Variants in RSU1 observed in about 807,000 individuals in gnomAD.
The protein encoded by RSU1 is rsu-1.
In RSU1, 26 loss-of-function variants were observed where a neutral mutation model predicts 31.1. The ratio of observed to expected loss-of-function variants is 0.84; its 90% CI spans 0.61 to 1.16. RSU1 has a LOEUF of 1.16. Ranked by LOEUF, RSU1 falls within the 50% of genes most tolerant of loss-of-function variation. The pLI, the probability that RSU1 is intolerant of heterozygous loss-of-function variation, is 0.00. For missense variants in RSU1, 320 were observed against 339.1 expected, an observed-to-expected ratio of 0.94 and a Z score of 0.44; for synonymous variants, 164 against 136.3, an observed-to-expected ratio of 1.20 and a Z score of -1.41.
At chr10:16,789,127 C>T (rs1013983995) in intron 2 of RSU1, among the ~76,000 whole-genome samples, 3 of 152,228 alleles carry the variant, frequency 2.0e-5, no homozygotes, top group African/African-American at 7.2e-5. Flanking sequence ...TGAGGGAAAA[C>T]TGGTTCTTTT....
At chr10:16,678,639 C>G (rs1001589142) in intron 8 of RSU1, among the ~76,000 whole-genome samples, 1 of 152,128 alleles carries the variant, frequency 6.6e-6, no homozygotes, top group Non-Finnish European at 1.5e-5. Context: ...AAACTTCCTA[C>G]TGGGGAGTAT....
In RSU1 at chr10:16,692,686, C is replaced by T. The variant is rs78897827; in HGVS notation, c.731+2337G>A. Among the ~76,000 whole-genome samples the T allele has an allele frequency of 4.1e-4, 63 of 152,280 alleles. 1 individual carries two copies. The East Asian group carries it at 8.9e-3, about 21-fold the overall frequency. On this transcript the variant is annotated intron_variant, in intron 8 of 8. Transcript: ENST00000345264. ...GCTAATTTGTGACTATATTTTCACA[C>T]ATTTTCATAATTAACTAATTTCTAA...
chr10:16,705,937 C>A (rs1835890937), intron 7 of RSU1, among the ~76,000 whole-genome samples: 1 of 152,176 alleles, frequency 6.6e-6, no homozygotes, highest in African/African-American at 2.4e-5. Flanking sequence ...CCACCACACC[C>A]AGCCCAAATG....
rs573931975 is a variant in RSU1, at chr10:16,745,620, G to A, written c.598+6919C>T. Among the ~76,000 whole-genome samples, 529 of 149,138 alleles carry A rather than the reference G, an allele frequency of 3.5e-3. 2 individuals carry two copies. Among genetic ancestry groups the A allele is most frequent in the Non-Finnish European group, 4.6e-3 (308 of 66,588 alleles). On this transcript the variant is annotated intron_variant, in intron 7 of 8. Coordinates refer to ENST00000345264, the MANE Select transcript of RSU1 (RefSeq NM_012425.4). The stretch of plus-strand genomic sequence containing the variant: ...GAGACCCATTCAGTATCACAAGAAC[G>A]GCACAGGAAAGACCCGCCCCCATGA...
chr10:16,805,540 G>C (rs1396074202), intron 2 of RSU1, among the ~76,000 whole-genome samples: 1 of 151,056 alleles, frequency 6.6e-6, no homozygotes, highest in Non-Finnish European at 1.5e-5. Flanking sequence ...GCCAGGCGTT[G>C]TGGCGGGCGC....
chr10:16,766,370 G>A (rs1423770610), intron 3 of RSU1, among the ~76,000 whole-genome samples: 2 of 152,202 alleles, frequency 1.3e-5, no homozygotes, highest in Admixed American at 1.3e-4. Flanking sequence ...CACAGTCCAT[G>A]GAACACTTCT....
At chr10:16,745,609 A>G (rs1836836230) in intron 7 of RSU1, among the ~76,000 whole-genome samples, 1 of 150,342 alleles carries the variant, frequency 6.7e-6, no homozygotes, top group Non-Finnish European at 1.5e-5. Flanking sequence ...CCCATTCAGT[A>G]TCACAAGAAC....
intron 8 of RSU1, among the ~76,000 whole-genome samples, chr10:16,693,941 G>A (rs963238414): frequency 1.3e-5 from 2 of 152,000 alleles, no homozygotes; most frequent in African/African-American, 4.8e-5. Context: ...ATTTGAGTAG[G>A]GATGTTTTTG....
At chr10:16,683,346 C>T (rs1189059888) in intron 8 of RSU1, among the ~76,000 whole-genome samples, 1 of 152,070 alleles carries the variant, frequency 6.6e-6, no homozygotes, top group Admixed American at 6.5e-5. Context: ...ATTTGAGTAA[C>T]AATAAATATT....
intron 3 of RSU1, among the ~76,000 whole-genome samples, chr10:16,768,729 C>G (rs187112480): frequency 6.6e-6 from 1 of 152,342 alleles, no homozygotes; most frequent in Non-Finnish European, 1.5e-5. Context: ...AACTGAAGAA[C>G]TGAATGTGAT....
In RSU1 at chr10:16,634,017, ATC is replaced by A. The variant is rs1330468510; in HGVS notation, c.732-40523_732-40522del. ...GTGCACGATCTCACACTGACGTTCA[ATC>A]TGTCTTTTCCAGCATCCTCTATTTA... On this transcript the variant is annotated intron_variant, in intron 8 of 8. Coordinates refer to ENST00000345264, the MANE Select transcript of RSU1 (RefSeq NM_012425.4). 2.0e-5 allele frequency among the ~76,000 whole-genome samples: 3 copies of A among 152,212 alleles called. No homozygotes were observed. In the East Asian group the frequency reaches 5.8e-4, roughly 29 times the overall value.
At chr10:16,788,757 G>T (rs1216714852) in intron 2 of RSU1, among the ~76,000 whole-genome samples, 1 of 152,170 alleles carries the variant, frequency 6.6e-6, no homozygotes, top group South Asian at 2.1e-4. Flanking sequence ...TCCTCCTTCA[G>T]GACACTTCCA....
chr10:16,712,628 T>G (rs1211142335), intron 7 of RSU1, among the ~76,000 whole-genome samples: 1 of 152,160 alleles, frequency 6.6e-6, no homozygotes, highest in Non-Finnish European at 1.5e-5. Flanking sequence ...ACAATTAATA[T>G]TTTTGTTGCC....
intron 8 of RSU1, among the ~76,000 whole-genome samples, chr10:16,621,601 G>A (rs368813649): frequency 6.6e-6 from 1 of 152,294 alleles, no homozygotes; most frequent in Admixed American, 6.5e-5. Flanking sequence ...ACATGATTGG[G>A]GAAGCCTCAC....
chr10:16,816,898 C>A, intron 2 of RSU1, 75 bp downstream of exon 2: 1 of 1,034,066 alleles, frequency 9.7e-7, no homozygotes, highest in East Asian at 2.4e-5. Flanking sequence ...TCGCTCACAG[C>A]AGGACCAGCA....
chr10:16,706,372 T>G (rs565086883), intron 7 of RSU1, among the ~76,000 whole-genome samples: 1 of 152,336 alleles, frequency 6.6e-6, no homozygotes, highest in Non-Finnish European at 1.5e-5. Flanking sequence ...CATTTTTTCA[T>G]GTGCTTATTG....
At chr10:16,605,701 G>C (rs767775466) in intron 8 of RSU1, among the ~76,000 whole-genome samples, 1 of 152,178 alleles carries the variant, frequency 6.6e-6, no homozygotes, top group Non-Finnish European at 1.5e-5. Context: ...TGTGCAGACC[G>C]AGGCAAGTGT....
rs571362342 is a variant in RSU1 at position 16,798,667 on chromosome 10, C to G, written c.110-16583G>C. ...CATAAATTACCCATCTTGAGCCGTT[C>G]TTTGTAGCAGTATGAAAACAGACTA... On this transcript the variant is annotated intron_variant, in intron 2 of 8. Transcript: ENST00000345264. Among the ~76,000 whole-genome samples, 5 of 152,274 alleles carry G rather than the reference C, an allele frequency of 3.3e-5. No individual in the cohort carries two copies. The South Asian group carries it at 1.0e-3, about 32-fold the overall frequency.
chr10:16,671,621 G>GT (rs879801350), intron 8 of RSU1, among the ~76,000 whole-genome samples: 194 of 149,338 alleles, frequency 1.3e-3, no homozygotes, highest in African/African-American at 4.4e-3. Flanking sequence ...ACTCAAAGGT[G>GT]TTTTTTTTTG....
Sources: allele counts gnomAD v4.1 joint callset (sites outside exome capture counted in the v4.1 genomes callset), GRCh38; gene constraint gnomAD v4.1.1; transcripts MANE v1.5; gene names NCBI Gene and HGNC (gene_info 2026-07-23, HGNC 2026-07-21).